ANO4: variants seen among roughly 807,000 people sequenced by gnomAD.
ANO4 encodes the protein anoctamin-4.
ANO4 carries 69 observed loss-of-function variants against 141.9 expected under a neutral mutation model. That is an observed-to-expected ratio of 0.49 (90% CI 0.40 to 0.59). ANO4 has a LOEUF of 0.59. Among genes scored for constraint, ANO4 ranks in the 20% least tolerant of loss-of-function variants. The pLI is 0.00. For missense variants in ANO4, 894 were observed against 1,162.2 expected (o/e 0.77, Z 3.36); for synonymous variants, 350 against 394.3 (o/e 0.89, Z 1.33).
rs181486138 is a variant in ANO4 at position 100,957,171 on chromosome 12, C to A, written c.457-14135C>A. 7.2e-5 allele frequency among the ~76,000 whole-genome samples: 11 copies of A among 152,266 alleles called. 1 individual carries two copies. Among genetic ancestry groups the A allele is most frequent in the Middle Eastern group, 3.4e-3 (1 of 294 alleles). On this transcript the variant is annotated intron_variant, in intron 5 of 27. Coordinates refer to ENST00000392977, the MANE Select transcript of ANO4 (RefSeq NM_001286615.2). Reference sequence around the variant, plus strand: ...AGGCTGGAAAATACAGGAAGCACAGCGCCAACACTTGCTCGGCCTCTGGTG... The same window carrying A: ...AGGCTGGAAAATACAGGAAGCACAGAGCCAACACTTGCTCGGCCTCTGGTG...
At chr12:100,887,125 G>A (rs553047639) in intron 1 of ANO4, among the ~76,000 whole-genome samples, 1 of 152,322 alleles carries the variant, frequency 6.6e-6, no homozygotes, top group African/African-American at 2.4e-5. Context: ...GGGGGTTAGT[G>A]CTTATCATTT....
chr12:100,816,470 T>C (rs1039098969), intron 1 of ANO4, among the ~76,000 whole-genome samples: 1 of 151,922 alleles, frequency 6.6e-6, no homozygotes, highest in Admixed American at 6.6e-5. Context: ...GTATGAAATA[T>C]TTAAGGAAGA....
intron 8 of ANO4, among the ~76,000 whole-genome samples, chr12:101,019,016 G>C (rs1046073994): frequency 6.6e-6 from 1 of 152,070 alleles, no homozygotes; most frequent in African/African-American, 2.4e-5. Context: ...ATAAGAAATA[G>C]CACAAAGGAA....
At chr12:100,771,194 G>C (rs998705391) in intron 3 of ANO4, among the ~76,000 whole-genome samples, 17 of 151,826 alleles carry the variant, frequency 1.1e-4, no homozygotes, top group Admixed American at 1.0e-3. Context: ...CAGGAAAGAA[G>C]GGTTTGATGG....
chr12:100,895,571 T>TA (rs2040308305), intron 1 of ANO4, among the ~76,000 whole-genome samples: 1 of 151,586 alleles, frequency 6.6e-6, no homozygotes, highest in Non-Finnish European at 1.5e-5. Flanking sequence ...GTTTTTTTTT[T>TA]TTTTTTGAGA....
At chr12:100,890,409 AAGT>A (rs1308732336) in intron 1 of ANO4, among the ~76,000 whole-genome samples, 2 of 152,206 alleles carry the variant, frequency 1.3e-5, no homozygotes, top group Non-Finnish European at 2.9e-5. Flanking sequence ...AACTTCCTAG[AAGT>A]AGAATTCTTG....
At chr12:100,723,133 A>C (rs1392672616) in intron 1 of ANO4, among the ~76,000 whole-genome samples, 2 of 152,120 alleles carry the variant, frequency 1.3e-5, no homozygotes, top group African/African-American at 4.8e-5. Context: ...TATTTTGTAA[A>C]TTTCTTTGTG....
chr12:100,924,632 AG>A (rs2041786805), intron 3 of ANO4, among the ~76,000 whole-genome samples: 1 of 152,156 alleles, frequency 6.6e-6, no homozygotes, highest in African/African-American at 2.4e-5. Context: ...AATAAAAATC[AG>A]ATTATTAGAC....
At chr12:100,925,701 A>G (rs2041837747) in intron 3 of ANO4, among the ~76,000 whole-genome samples, 1 of 151,188 alleles carries the variant, frequency 6.6e-6, no homozygotes, top group African/African-American at 2.4e-5. Context: ...CCTTTTTGTT[A>G]AGATTAACAA....
intron 23 of ANO4, among the ~76,000 whole-genome samples, chr12:101,111,260 G>C (rs1247736772): frequency 6.6e-6 from 1 of 152,188 alleles, no homozygotes; most frequent in Non-Finnish European, 1.5e-5. Context: ...CTCCCAGTCT[G>C]GTGGGGCTTG....
intron 3 of ANO4, among the ~76,000 whole-genome samples, chr12:100,745,635 CAAG>C (rs1193925148): frequency 6.6e-6 from 1 of 151,938 alleles, no homozygotes; most frequent in African/African-American, 2.4e-5. Context: ...GATACAAAAA[CAAG>C]AAGGAGAAGG....
At position 101,111,604 on chromosome 12, in the gene ANO4, G is replaced by T; in HGVS notation, c.2344G>T (p.Val782Phe). 3 of 1,611,662 alleles carry T rather than the reference G, an allele frequency of 1.9e-6. No individual in the cohort carries two copies. The highest frequency in any genetic ancestry group is 2.5e-6 in the Non-Finnish European group (3 of 1,179,032). The stretch of plus-strand genomic sequence containing the variant: ...TCTTGAAGGCATTGGAATTCTCTCT[G>T]TTATCACAAATGCATTTGTCATAGC... ...GILEGIGILS[V>F]ITNAFVIAIT... is the part of the protein sequence containing the mutation. Residue 782 changes from valine to phenylalanine, a missense_variant, in exon 24 of 28, where the codon GTT (valine) becomes TTT (phenylalanine). Physicochemically the swap from Val to Phe is conservative, Grantham distance 50. Transcript: ENST00000392977.
intron 14 of ANO4, among the ~76,000 whole-genome samples, chr12:101,076,198 C>T (rs1262715063): frequency 6.6e-6 from 1 of 152,032 alleles, no homozygotes; most frequent in Non-Finnish European, 1.5e-5. Flanking sequence ...GTAAGGGGGG[C>T]CTCTGGAAAG....
At chr12:101,106,466 A>G (rs1383411153) in intron 22 of ANO4, among the ~76,000 whole-genome samples, 1 of 151,924 alleles carries the variant, frequency 6.6e-6, no homozygotes, top group East Asian at 1.9e-4. Context: ...CAGGGCAAAA[A>G]AATTGTAAAT....
intron 8 of ANO4, among the ~76,000 whole-genome samples, chr12:101,007,226 G>T (rs112074648): frequency 1.3e-5 from 2 of 152,140 alleles, no homozygotes; most frequent in South Asian, 4.1e-4. Flanking sequence ...GATGGCATGC[G>T]CCTGTAGGCC....
At chr12:100,736,526 G>C (rs10860628) in intron 2 of ANO4, among the ~76,000 whole-genome samples, 33,834 of 151,972 alleles carry the variant, frequency 0.22, 4,263 homozygotes, top group East Asian at 0.47. Flanking sequence ...TGCAGACTTG[G>C]GCCAAGTGGC....
In ANO4 at chr12:100,754,515, A is replaced by T. The variant is rs2032525404; in HGVS notation, c.358+14410A>T. Among the ~76,000 whole-genome samples, 4 of 151,664 alleles carry T rather than the reference A, an allele frequency of 2.6e-5. No individual in the cohort carries two copies. The South Asian group carries it at 8.3e-4, about 31-fold the overall frequency. ...AGCCATCATGGACTTGGTGGTCCTC[A>T]GTAAGTAAAACATAGAATTACCATA... is the stretch of plus-strand genomic sequence containing the variant. On this transcript the variant is annotated intron_variant, in intron 3 of 29. Coordinates refer to the ANO4 transcript ENST00000644049.
chr12:100,885,455 G>C (rs1191638506), intron 1 of ANO4: 1 of 152,226 alleles, frequency 6.6e-6, no homozygotes, highest in African/African-American at 2.4e-5. Flanking sequence ...TTAGCATGCA[G>C]TCCAGTGGAC....
At chr12:101,107,936 C>T (rs1353626397) in intron 22 of ANO4, among the ~76,000 whole-genome samples, 1 of 152,090 alleles carries the variant, frequency 6.6e-6, no homozygotes, top group Non-Finnish European at 1.5e-5. Context: ...ATTGTCAGGA[C>T]TAGGAGGCTA....
Sources: allele counts gnomAD v4.1 joint callset (sites outside exome capture counted in the v4.1 genomes callset), GRCh38; gene constraint gnomAD v4.1.1; transcripts MANE v1.5; gene names NCBI Gene and HGNC (gene_info 2026-07-23, HGNC 2026-07-21).